Variants in ARHGEF7 observed in about 807,000 individuals in gnomAD.
ARHGEF7 encodes the protein PAK-interacting exchange factor beta.
In ARHGEF7, 33 loss-of-function variants were observed where a neutral mutation model predicts 109.8. That is an observed-to-expected ratio of 0.30 (90% confidence interval 0.23 to 0.40). The LOEUF (loss-of-function observed/expected upper bound fraction) is 0.40, where lower values mean the gene tolerates loss of function less well. Ranked by LOEUF, ARHGEF7 falls within the 10% of genes least tolerant of loss-of-function variation. The pLI is 1.00. For synonymous variants in ARHGEF7, 458 were observed against 424.6 expected (o/e 1.08, Z -0.97); for missense variants, 938 against 1,098.5 (o/e 0.85, Z 2.07).
chr13:111,302,736 G>C (rs1275807543), intron 21 of ARHGEF7, among the ~76,000 whole-genome samples: 4 of 152,166 alleles, frequency 2.6e-5, no homozygotes, highest in African/African-American at 9.7e-5. Context: ...ATGTTCTATA[G>C]AGATTCATTC....
intron 5 of ARHGEF7, among the ~76,000 whole-genome samples, chr13:111,231,205 A>T (rs1341168762): frequency 6.6e-6 from 1 of 152,212 alleles, no homozygotes; most frequent in Admixed American, 6.5e-5. Flanking sequence ...AAGATGAAAA[A>T]GTGTTGTTTT....
At chr13:111,296,525 A>G (rs938917469) in intron 19 of ARHGEF7, among the ~76,000 whole-genome samples, 5 of 152,228 alleles carry the variant, frequency 3.3e-5, no homozygotes, top group Admixed American at 6.5e-5. Context: ...GGTGTTAAGT[A>G]TAAATTATTT....
chr13:111,280,723 TC>T, intron 15 of ARHGEF7, 46 bp downstream of exon 15: 4 of 1,448,362 alleles, frequency 2.8e-6, no homozygotes, highest in Non-Finnish European at 3.7e-6. Context: ...AGGCGTGGCA[TC>T]CCGTGGCTGA....
At position 111,124,841 on chromosome 13, in the gene ARHGEF7, C is replaced by T. The variant is rs578072207; in HGVS notation, c.165+9150C>T. ...ATGGCACGATCTCGGCTCACTCCAA[C>T]GGCCGCCTCCCGGGTTCAAGTGATT... On this transcript the variant is annotated intron_variant, in intron 1 of 21. Transcript: ENST00000646102. Among the ~76,000 whole-genome samples the T allele has an allele frequency of 3.5e-4, 53 of 152,324 alleles. No homozygotes were observed. In the South Asian group the frequency reaches 3.7e-3, roughly 11 times the overall value.
intron 6 of ARHGEF7, among the ~76,000 whole-genome samples, chr13:111,235,081 G>A (rs1372095362): frequency 6.6e-6 from 1 of 152,180 alleles, no homozygotes; most frequent in Non-Finnish European, 1.5e-5. Context: ...TCTTGTATAA[G>A]ACACTGCTTT....
At chr13:111,226,861 T>G (rs546967084) in intron 5 of ARHGEF7, among the ~76,000 whole-genome samples, 25 of 152,330 alleles carry the variant, frequency 1.6e-4, no homozygotes, top group African/African-American at 4.6e-4. Context: ...ATTTACCCCT[T>G]TAGATGCTGT....
Position 111,221,560 on chromosome 13 carries a change from T to C in ARHGEF7, c.670+3680T>C, listed in dbSNP as rs2084342136. On this transcript the variant is annotated intron_variant, in intron 5 of 21. Transcript: ENST00000646102. ...ATATATAGATACATATCTATATATC[T>C]ATATATATAGATACATATCTATATA... Among the ~76,000 whole-genome samples, 3 of 61,260 alleles carry C rather than the reference T, an allele frequency of 4.9e-5. No homozygotes were observed. In the East Asian group the frequency reaches 4.8e-3, roughly 99 times the overall value. 40.2% of individuals were successfully genotyped at this position (61,260 alleles called of 152,430 possible).
chr13:111,233,427 A>G lies in ARHGEF7; in HGVS notation c.759+134A>G, dbSNP rs1029630015. ...TTCATTCATCTGCCACACAAATGTA[A>G]CCACCATTAAGGTTTTGGTCTGTTT... On this transcript the variant is annotated intron_variant, in intron 6 of 21. Transcript: ENST00000646102. The G allele has an allele frequency of 8.4e-6, 6 of 711,460 alleles. No individual in the cohort carries two copies. In the Admixed American group the frequency reaches 1.3e-4, roughly 16 times the overall value. The allele number at this position is 711,460 out of a possible 1,614,324, so 44.1% of individuals were successfully genotyped here.
chr13:111,278,888 A>C (rs2153604050), intron 13 of ARHGEF7, among the ~76,000 whole-genome samples: 1 of 152,276 alleles, frequency 6.6e-6, no homozygotes, highest in East Asian at 1.9e-4. Context: ...GCTGGTGCTT[A>C]CACTGGATTT....
chr13:111,156,160 A>G (rs1005135047), intron 2 of ARHGEF7, among the ~76,000 whole-genome samples: 6 of 151,938 alleles, frequency 3.9e-5, no homozygotes, highest in African/African-American at 1.5e-4. Flanking sequence ...CTGACATTTC[A>G]TACAGTAACT....
intron 4 of ARHGEF7, among the ~76,000 whole-genome samples, chr13:111,216,558 G>A (rs919297441): frequency 6.6e-6 from 1 of 151,318 alleles, no homozygotes; most frequent in African/African-American, 2.4e-5. Flanking sequence ...TGCTGATGTC[G>A]CTGGTGGGGA....
intron 2 of ARHGEF7, among the ~76,000 whole-genome samples, chr13:111,166,079 C>T (rs2077100475): frequency 6.6e-6 from 1 of 152,196 alleles, no homozygotes; most frequent in African/African-American, 2.4e-5. Flanking sequence ...CTTGGCTTTT[C>T]TCTTTGCCCA....
intron 2 of ARHGEF7, among the ~76,000 whole-genome samples, chr13:111,199,524 C>T (rs971158083): frequency 1.3e-5 from 2 of 152,160 alleles, no homozygotes; most frequent in African/African-American, 4.8e-5. Flanking sequence ...ACCCTAAGGG[C>T]CTTAGCCTGC....
chr13:111,274,128 C>T (rs994162774), intron 10 of ARHGEF7, among the ~76,000 whole-genome samples, 176 bp downstream of exon 10: 4 of 152,158 alleles, frequency 2.6e-5, no homozygotes, highest in Admixed American at 2.0e-4. Context: ...TATTAGAAAA[C>T]ATTTACCCCT....
intron 11 of ARHGEF7, 134 bp from the exon 12 acceptor site, chr13:111,275,398 G>T (rs915612586): frequency 8.0e-5 from 82 of 1,028,164 alleles, no homozygotes; most frequent in Admixed American, 2.6e-5. Context: ...TAAGCAAATC[G>T]CTCAATAAAT....
chr13:111,166,690 T>A (rs1013257543), intron 2 of ARHGEF7, among the ~76,000 whole-genome samples: 13 of 152,072 alleles, frequency 8.5e-5, no homozygotes, highest in African/African-American at 3.1e-4. Flanking sequence ...GAAGTTGTCT[T>A]TGGGATGGGG....
At position 111,221,283 on chromosome 13, in the gene ARHGEF7, C is replaced by CTA. The variant is rs1451220901; in HGVS notation, c.670+3408_670+3409dup. On this transcript the variant is annotated intron_variant, in intron 5 of 21. Coordinates refer to ENST00000646102, the MANE Select transcript of ARHGEF7 (RefSeq NM_001354046.2). ...TATAGATATATATGTCTATATATAT[C>CTA]TATATAGATATATATGTCTATATAT... is the stretch of plus-strand genomic sequence containing the variant. Among the ~76,000 whole-genome samples, 231 of 37,486 alleles carry CTA rather than the reference C, an allele frequency of 6.2e-3. 89 individuals carry two copies. The highest frequency in any genetic ancestry group is 0.012 in the Non-Finnish European group (213 of 18,450). 24.6% of individuals were successfully genotyped at this position (37,486 alleles called of 152,430 possible).
intron 19 of ARHGEF7, 41 bp downstream of exon 19, chr13:111,292,335 C>T: frequency 1.2e-6 from 2 of 1,607,268 alleles, no homozygotes; most frequent in Middle Eastern, 1.7e-4. Flanking sequence ...AGAACTAATG[C>T]ACTTCTGAGC....
chr13:111,203,950 C>T (rs1037781966), intron 2 of ARHGEF7, among the ~76,000 whole-genome samples: 2 of 152,172 alleles, frequency 1.3e-5, no homozygotes, highest in African/African-American at 4.8e-5. Context: ...TCACTGTGCA[C>T]CGGCCCCTGT....
Sources: allele counts gnomAD v4.1 joint callset (sites outside exome capture counted in the v4.1 genomes callset), GRCh38; gene constraint gnomAD v4.1.1; transcripts MANE v1.5; gene names NCBI Gene and HGNC (gene_info 2026-07-23, HGNC 2026-07-21).